RALGAPA2: variants seen among roughly 807,000 people sequenced by gnomAD.
RALGAPA2 encodes the protein ral GTPase-activating protein subunit alpha-2.
RALGAPA2 carries 139 observed loss-of-function variants against 230.4 expected under a neutral mutation model. The ratio of observed to expected loss-of-function variants is 0.60; its 90% CI spans 0.53 to 0.69. The LOEUF is 0.69. RALGAPA2 is among the 30% of genes least tolerant of loss of function. The pLI is 0.00. For synonymous variants in RALGAPA2, 847 were observed against 837.8 expected (o/e 1.01, Z -0.19); for missense variants, 2,163 against 2,276.0 (o/e 0.95, Z 1.01).
intron 37 of RALGAPA2, among the ~76,000 whole-genome samples, chr20:20,415,332 C>T (rs2060144598): frequency 6.6e-6 from 1 of 152,224 alleles, no homozygotes. Context: ...CACCAGGTCA[C>T]CAATCCGATC....
intron 1 of RALGAPA2, among the ~76,000 whole-genome samples, chr20:20,694,003 C>T (rs568974125): frequency 6.6e-6 from 1 of 151,930 alleles, no homozygotes; most frequent in Admixed American, 6.6e-5. Context: ...ACTTGGGAGG[C>T]TGAGATGAGA....
At chr20:20,677,873 C>T (rs978125011) in intron 2 of RALGAPA2, among the ~76,000 whole-genome samples, 1 of 151,716 alleles carries the variant, frequency 6.6e-6, no homozygotes, top group East Asian at 1.9e-4. Flanking sequence ...GTCTTGATCT[C>T]CTGACCTCGT....
At chr20:20,629,312 G>T (rs1433898685) in intron 10 of RALGAPA2, 51 bp downstream of exon 10, 3 of 1,379,938 alleles carry the variant, frequency 2.2e-6, no homozygotes, top group Non-Finnish European at 3.0e-6. Context: ...TCCATTTCAA[G>T]AACTTGTAAC....
intron 37 of RALGAPA2, among the ~76,000 whole-genome samples, chr20:20,431,549 T>G (rs2060501804): frequency 6.6e-6 from 1 of 152,190 alleles, no homozygotes; most frequent in Non-Finnish European, 1.5e-5. Flanking sequence ...AATTTTAAAA[T>G]GTATGACACA....
At chr20:20,444,916 C>T (rs958298100) in intron 37 of RALGAPA2, among the ~76,000 whole-genome samples, 5 of 152,212 alleles carry the variant, frequency 3.3e-5, no homozygotes, top group African/African-American at 9.6e-5. Context: ...GTCCACGCCG[C>T]ATGCGCTGCC....
chr20:20,416,134 G>C (rs1024701446), intron 37 of RALGAPA2, among the ~76,000 whole-genome samples: 1 of 152,196 alleles, frequency 6.6e-6, no homozygotes, highest in African/African-American at 2.4e-5. Context: ...TCTCAGGACG[G>C]CTGGGAAGAT....
intron 2 of RALGAPA2, among the ~76,000 whole-genome samples, chr20:20,678,322 A>T (rs999668602): frequency 1.3e-5 from 2 of 152,166 alleles, no homozygotes; most frequent in Non-Finnish European, 2.9e-5. Flanking sequence ...CACTATTTTT[A>T]TTGGTTCTTC....
chr20:20,599,978 A>G (rs1603013754), intron 16 of RALGAPA2, among the ~76,000 whole-genome samples: 1 of 151,498 alleles, frequency 6.6e-6, no homozygotes, highest in East Asian at 1.9e-4. Flanking sequence ...GTCTCAAAAA[A>G]AATAAAAAAT....
intron 3 of RALGAPA2, among the ~76,000 whole-genome samples, chr20:20,666,751 G>A (rs1033553905): frequency 2.6e-5 from 4 of 152,146 alleles, no homozygotes; most frequent in African/African-American, 9.7e-5. Flanking sequence ...AAAAGGAATC[G>A]TTACTTAATC....
intron 37 of RALGAPA2, among the ~76,000 whole-genome samples, chr20:20,433,788 G>A (rs1602354459): frequency 6.6e-6 from 1 of 152,152 alleles, no homozygotes; most frequent in East Asian, 1.9e-4. Flanking sequence ...CGAAGGACCA[G>A]GATTAGCATC....
Position 20,591,251 on chromosome 20 carries a change from C to T in RALGAPA2, c.2267G>A (p.Gly756Glu), listed in dbSNP as rs1205416017. ...GCTCCGAAGGACCTGCTGCTGCTGTCCCACTGTGAGATGGCCAGATCCGGC... is the reference window on the plus strand; with the variant it reads ...GCTCCGAAGGACCTGCTGCTGCTGTTCCACTGTGAGATGGCCAGATCCGGC... ...PAAGSGHLTV[G>E]QQQQVLRSSS... is the part of the protein sequence containing the mutation. The change falls in exon 17 of 40, where the codon GGA becomes GAA. Residue 756 changes from glycine (G) to glutamate (E), a missense_variant. Transcript: ENST00000202677. 1 of 1,613,920 alleles carries T rather than the reference C, an allele frequency of 6.2e-7. No homozygotes were observed. Among genetic ancestry groups the T allele is most frequent in the Non-Finnish European group, 8.5e-7 (1 of 1,179,856 alleles).
chr20:20,507,567 G>A (rs1057338221), intron 33 of RALGAPA2, among the ~76,000 whole-genome samples: 2 of 152,174 alleles, frequency 1.3e-5, no homozygotes, highest in Admixed American at 1.3e-4. Context: ...ATGTTGGCCA[G>A]GCTGATCTCA....
At chr20:20,455,540 C>T (rs946360935) in intron 37 of RALGAPA2, among the ~76,000 whole-genome samples, 3 of 152,178 alleles carry the variant, frequency 2.0e-5, no homozygotes, top group Admixed American at 6.5e-5. Context: ...ACGGGCATTC[C>T]TATGGTCTTC....
intron 13 of RALGAPA2, 121 bp downstream of exon 13, chr20:20,615,921 CA>C: frequency 1.3e-6 from 1 of 756,390 alleles, no homozygotes; most frequent in Non-Finnish European, 1.9e-6. Context: ...GAAACTGTTA[CA>C]AAAGACATTT....
rs79680839 is a variant in RALGAPA2 at position 20,539,598 on chromosome 20, A to G, written c.3286-2814T>C. Among the ~76,000 whole-genome samples the G allele has an allele frequency of 4.1e-3, 632 of 152,354 alleles. 4 individuals carry two copies. The highest frequency in any genetic ancestry group is 0.014 in the African/African-American group (599 of 41,580). On this transcript the variant is annotated intron_variant, in intron 24 of 39. Coordinates refer to ENST00000202677, the MANE Select transcript of RALGAPA2 (RefSeq NM_020343.4). ...AACAAGTGAATTAATATATCACCTC[A>G]TATAGTTCCTTTATGCGTGAGTTGT...
At chr20:20,532,519 G>A (rs369553944) in intron 26 of RALGAPA2, among the ~76,000 whole-genome samples, 1 of 152,158 alleles carries the variant, frequency 6.6e-6, no homozygotes, top group African/African-American at 2.4e-5. Context: ...GAATGGTGGG[G>A]CCATGTGGTG....
intron 37 of RALGAPA2, chr20:20,471,317 T>A (rs770474242): frequency 6.6e-6 from 1 of 152,020 alleles, no homozygotes; most frequent in African/African-American, 2.4e-5. Context: ...ACAAAGCAAG[T>A]ATTTTATAAT....
At chr20:20,429,169 G>A (rs1462784785) in intron 37 of RALGAPA2, among the ~76,000 whole-genome samples, 1 of 152,220 alleles carries the variant, frequency 6.6e-6, no homozygotes, top group African/African-American at 2.4e-5. Context: ...GGCAACAAAA[G>A]TGATGCTCTG....
intron 1 of RALGAPA2, among the ~76,000 whole-genome samples, chr20:20,695,419 T>G (rs1176793116): frequency 6.6e-6 from 1 of 152,222 alleles, no homozygotes; most frequent in Non-Finnish European, 1.5e-5. Flanking sequence ...TGTTTGACAC[T>G]TTTGAATGCA....
Sources: gnomAD v4.1 joint callset for allele counts (sites outside exome capture counted in the v4.1 genomes callset) on GRCh38, gnomAD v4.1.1 for gene constraint, MANE v1.5 for transcripts, NCBI Gene and HGNC (gene_info 2026-07-23, HGNC 2026-07-21) for gene names.